C12orf42: variants seen among roughly 807,000 people sequenced by gnomAD.
C12orf42 encodes the protein uncharacterized protein C12orf42.
C12orf42 carries 25 observed loss-of-function variants against 21.6 expected under a neutral mutation model. The observed-to-expected ratio is 1.16, with a 90% CI of 0.84 to 1.62. The LOEUF is 1.62. C12orf42 is among the 40% of genes most tolerant of loss of function. The pLI is 0.00. For synonymous variants in C12orf42, 174 were observed against 175.0 expected, an observed-to-expected ratio of 0.99 and a Z score of 0.05; for missense variants, 483 against 459.3, an observed-to-expected ratio of 1.05 and a Z score of -0.47.
chr12:103,294,428 G>GAA (rs1555245896), intron 4 of C12orf42, among the ~76,000 whole-genome samples: 4 of 96,078 alleles, frequency 4.2e-5, no homozygotes, highest in East Asian at 3.0e-4. Flanking sequence ...AAAGGAGAGA[G>GAA]AGAAAGAAAG....
intron 4 of C12orf42, among the ~76,000 whole-genome samples, chr12:103,334,018 A>G (rs2137097930): frequency 6.6e-6 from 1 of 152,330 alleles, no homozygotes; most frequent in Admixed American, 6.5e-5. Context: ...AGTGTGAACA[A>G]TTTTAGCTTA....
the C12orf42 span, among the ~76,000 whole-genome samples, chr12:103,151,602 T>C: frequency 2.6e-5 from 4 of 152,134 alleles, no homozygotes; most frequent in African/African-American, 4.8e-5. Context: ...AAGAACCTAA[T>C]GAGCTTTGAA....
intron 2 of C12orf42, among the ~76,000 whole-genome samples, chr12:103,439,749 C>T (rs990765186): frequency 6.6e-6 from 1 of 151,956 alleles, no homozygotes; most frequent in African/African-American, 2.4e-5. Context: ...ATTAAAAAGT[C>T]AGGAAACAAC....
the C12orf42 span, among the ~76,000 whole-genome samples, chr12:103,506,473 T>C: frequency 6.6e-6 from 1 of 152,092 alleles, no homozygotes; most frequent in South Asian, 2.1e-4. Context: ...TAATATCTTA[T>C]CATAATTTTA....
At chr12:103,230,466 A>G in the C12orf42 span, among the ~76,000 whole-genome samples, 8 of 152,214 alleles carry the variant, frequency 5.3e-5, no homozygotes, top group Admixed American at 2.0e-4. Flanking sequence ...GCCATAGTCT[A>G]TCACTTAGAA....
chr12:103,172,350 G>A, the C12orf42 span, among the ~76,000 whole-genome samples: 1 of 152,098 alleles, frequency 6.6e-6, no homozygotes, highest in African/African-American at 2.4e-5. Context: ...GTGTCAGGAA[G>A]TTGATGGAAT....
chr12:103,187,455 G>A, the C12orf42 span, among the ~76,000 whole-genome samples: 1 of 152,152 alleles, frequency 6.6e-6, no homozygotes, highest in Non-Finnish European at 1.5e-5. Context: ...ATCTCAGAAA[G>A]GGCAGATGGG....
At chr12:103,192,866 CT>C in the C12orf42 span, among the ~76,000 whole-genome samples, 1 of 134,834 alleles carries the variant, frequency 7.4e-6, no homozygotes, top group South Asian at 2.6e-4. Context: ...GGGAGGCTGA[CT>C]TAAACTACAC....
chr12:103,293,586 C>T lies in C12orf42; in HGVS notation n.338-16376G>A, dbSNP rs1218058883. Among the ~76,000 whole-genome samples, 5 of 152,260 alleles carry T rather than the reference C, an allele frequency of 3.3e-5. No homozygotes were observed. The East Asian group carries it at 9.6e-4, about 29-fold the overall frequency. On this transcript the variant is annotated intron_variant and non_coding_transcript_variant, in intron 4 of 6. Coordinates refer to the C12orf42 transcript ENST00000546526. ...CTTCTCTAACTTTCTACTGCACTTA[C>T]TCACTTTAAAACTTCAAAATCCTTT...
chr12:103,304,007 C>T (rs919214764), intron 5 of C12orf42, among the ~76,000 whole-genome samples: 5 of 152,130 alleles, frequency 3.3e-5, no homozygotes, highest in African/African-American at 1.2e-4. Flanking sequence ...ATATGCTTTC[C>T]TATGTCTTGA....
At chr12:103,207,190 G>T in the C12orf42 span, among the ~76,000 whole-genome samples, 1 of 152,208 alleles carries the variant, frequency 6.6e-6, no homozygotes, top group Admixed American at 6.6e-5. Flanking sequence ...CAGGCAAATG[G>T]CAGAGAGCAC....
At chr12:103,095,578 T>A in the C12orf42 span, among the ~76,000 whole-genome samples, 1 of 152,182 alleles carries the variant, frequency 6.6e-6, no homozygotes, top group Admixed American at 6.5e-5. Context: ...GACCTTACCC[T>A]TCATTCCCTA....
chr12:103,381,809 C>T (rs987762059), intron 3 of C12orf42, among the ~76,000 whole-genome samples: 7 of 151,904 alleles, frequency 4.6e-5, no homozygotes, highest in Admixed American at 2.6e-4. Flanking sequence ...CCCAGCTACT[C>T]GGGAGGCTGA....
the C12orf42 span, among the ~76,000 whole-genome samples, chr12:103,076,130 A>G: frequency 6.6e-6 from 1 of 152,106 alleles, no homozygotes; most frequent in African/African-American, 2.4e-5. Context: ...CTAATGCTAT[A>G]TAGAAGATGG....
intron 4 of C12orf42, among the ~76,000 whole-genome samples, chr12:103,333,465 T>C (rs528448036): frequency 2.0e-5 from 3 of 152,366 alleles, no homozygotes; most frequent in Middle Eastern, 3.4e-3. Context: ...GCTCACTCTT[T>C]AGAAAAACAC....
At chr12:103,271,351 G>A (rs2035462754) in intron 5 of C12orf42, among the ~76,000 whole-genome samples, 1 of 152,188 alleles carries the variant, frequency 6.6e-6, no homozygotes, top group African/African-American at 2.4e-5. Context: ...ACTAGTGGAA[G>A]AGACAATCCT....
chr12:103,233,852 T>C (rs1257195646), downstream of C12orf42, among the ~76,000 whole-genome samples: 1 of 152,222 alleles, frequency 6.6e-6, no homozygotes, highest in Admixed American at 6.5e-5. Flanking sequence ...TTCATTATGA[T>C]ATCGAAAAGA....
chr12:103,111,062 ATTATTG>A, the C12orf42 span, among the ~76,000 whole-genome samples: 5 of 152,178 alleles, frequency 3.3e-5, no homozygotes, highest in Non-Finnish European at 5.9e-5. Flanking sequence ...AGTTCACTGA[ATTATTG>A]TTATTGCAGT....
At chr12:103,136,481 A>T in the C12orf42 span, among the ~76,000 whole-genome samples, 7 of 152,216 alleles carry the variant, frequency 4.6e-5, no homozygotes, top group Non-Finnish European at 1.0e-4. Flanking sequence ...TATAGATTCA[A>T]TGCAATTCCT....
Sources: gnomAD v4.1 joint callset for allele counts (sites outside exome capture counted in the v4.1 genomes callset) on GRCh38, gnomAD v4.1.1 for gene constraint, MANE v1.5 for transcripts, NCBI Gene and HGNC (gene_info 2026-07-23, HGNC 2026-07-21) for gene names.